Variants in TIMM23 observed in about 807,000 individuals in gnomAD.
TIMM23 encodes the protein translocase of inner mitochondrial membrane 23.
TIMM23 carries 19 observed loss-of-function variants against 30.7 expected under a neutral mutation model. The ratio of observed to expected loss-of-function variants is 0.62; its 90% confidence interval spans 0.43 to 0.91. The LOEUF is 0.91. TIMM23 is among the 40% of genes least tolerant of loss of function. The pLI is 0.00. For missense variants in TIMM23, 202 were observed against 269.2 expected (o/e 0.75, Z 1.75); for synonymous variants, 78 against 98.5 (o/e 0.79, Z 1.23).
chr10:45,974,937 G>C (rs1317965900), intron 1 of TIMM23, among the ~76,000 whole-genome samples: 5 of 151,532 alleles, frequency 3.3e-5, no homozygotes, highest in African/African-American at 9.7e-5. Flanking sequence ...ACATACCTGT[G>C]GTAATGACCC....
chr10:45,992,193 G>C (rs1159126887), intron 6 of TIMM23, among the ~76,000 whole-genome samples: 1 of 152,066 alleles, frequency 6.6e-6, no homozygotes, highest in African/African-American at 2.4e-5. Context: ...ACCCAGGCTG[G>C]CCTCAAGCAA....
Position 45,974,932 on chromosome 10 carries a change from C to T in TIMM23, c.107-522C>T, listed in dbSNP as rs587713247. Among the ~76,000 whole-genome samples the T allele has an allele frequency of 4.5e-3, 690 of 151,764 alleles. 3 individuals carry two copies. The highest frequency in any genetic ancestry group is 0.016 in the African/African-American group (666 of 41,298). On this transcript the variant is annotated intron_variant, in intron 1 of 6. Transcript: ENST00000580018. ...GTTTTCTTTTGCACAGACCCACATACCTGTGGTAATGACCCAAGGATTCTC... is the reference window on the plus strand; with the variant it reads ...GTTTTCTTTTGCACAGACCCACATATCTGTGGTAATGACCCAAGGATTCTC...
At chr10:45,983,197 C>G (rs1302056917) in intron 4 of TIMM23, among the ~76,000 whole-genome samples, 18 of 152,248 alleles carry the variant, frequency 1.2e-4, no homozygotes, top group Non-Finnish European at 2.2e-4. Context: ...CTGTTACATT[C>G]TCCAACCCTA....
intron 1 of TIMM23, among the ~76,000 whole-genome samples, chr10:45,974,729 C>A (rs1837613445): frequency 2.0e-5 from 3 of 152,146 alleles, no homozygotes; most frequent in Non-Finnish European, 4.4e-5. Context: ...AGATAAGTAA[C>A]ACAATTCAAA....
intron 6 of TIMM23, among the ~76,000 whole-genome samples, chr10:45,996,526 T>C (rs1314096380): frequency 2.6e-5 from 4 of 151,812 alleles, no homozygotes; most frequent in Admixed American, 2.0e-4. Flanking sequence ...CATTAAGTGC[T>C]TATTGCTGAA....
intron 6 of TIMM23, chr10:45,992,784 C>G (rs1256248577): frequency 2.9e-6 from 1 of 339,904 alleles, no homozygotes; most frequent in East Asian, 7.9e-5. Flanking sequence ...TCTCGATCCC[C>G]TGACCTCATG....
chr10:45,982,500 G>A, intron 2 of TIMM23, 23 bp from the exon 3 acceptor site: 2 of 1,612,224 alleles, frequency 1.2e-6, no homozygotes, highest in South Asian at 1.1e-5. Flanking sequence ...CACTCAGCTT[G>A]GTTTTCATTA....
rs1228545729 is a variant in TIMM23 at position 45,981,960 on chromosome 10, T to G, written c.166-563T>G. Among the ~76,000 whole-genome samples, 959 of 152,312 alleles carry G rather than the reference T, an allele frequency of 6.3e-3. 8 individuals carry two copies. The highest frequency in any genetic ancestry group is 9.5e-3 in the Non-Finnish European group (644 of 68,028). On this transcript the variant is annotated intron_variant, in intron 2 of 6. Coordinates refer to ENST00000580018, the MANE Select transcript of TIMM23 (RefSeq NM_006327.4). Reference sequence around the variant, plus strand: ...CCTTCCAGGGGTTCATGCCACATTTTGTGTATGCAATTACTAGAAATAGGG... The same window carrying G: ...CCTTCCAGGGGTTCATGCCACATTTGGTGTATGCAATTACTAGAAATAGGG...
At chr10:45,997,220 A>G (rs1233804106) in intron 6 of TIMM23, among the ~76,000 whole-genome samples, 1 of 152,082 alleles carries the variant, frequency 6.6e-6, no homozygotes, top group African/African-American at 2.4e-5. Context: ...TCCAAAAAAG[A>G]AAAATGTGGT....
In TIMM23 at chr10:46,003,188, GTC is replaced by G. The variant is rs755622444; in HGVS notation, c.515-11_515-10del. The G allele has an allele frequency of 6.9e-6, 11 of 1,599,566 alleles. 1 individual carries two copies. The highest frequency in any genetic ancestry group is 3.3e-5 in the South Asian group (3 of 90,762). On this transcript the variant is annotated splice_polypyrimidine_tract_variant and intron_variant, in intron 6 of 6. Transcript: ENST00000580018. Reference sequence around the variant, plus strand: ...TATACAGCTATTTCATTTTCCTTTTGTCTCTGTTTCCCAGGTGGTCTTCGAGG... The same window carrying G: ...TATACAGCTATTTCATTTTCCTTTTGTCTGTTTCCCAGGTGGTCTTCGAGG...
At position 45,997,397 on chromosome 10, in the gene TIMM23, C is replaced by T. The variant is rs587756965; in HGVS notation, c.515-5806C>T. On this transcript the variant is annotated intron_variant, in intron 6 of 6. Coordinates refer to ENST00000580018, the MANE Select transcript of TIMM23 (RefSeq NM_006327.4). The stretch of plus-strand genomic sequence containing the variant: ...AGAATAGTCAGATTCATGTGAGGTA[C>T]TTAGAATAGTCAGATTCATACAGAA... Among the ~76,000 whole-genome samples the T allele has an allele frequency of 6.8e-4, 103 of 152,124 alleles. 1 individual carries two copies. In the South Asian group the frequency reaches 0.02, roughly 30 times the overall value.
intron 6 of TIMM23, among the ~76,000 whole-genome samples, chr10:45,991,480 G>C (rs1235076138): frequency 6.6e-6 from 1 of 152,156 alleles, no homozygotes; most frequent in African/African-American, 2.4e-5. Context: ...AGCTGGGCAC[G>C]GTGGCTCATG....
chr10:45,972,719 C>G lies in TIMM23; in HGVS notation c.95C>G (p.Ala32Gly). Reference sequence around the variant, plus strand: ...GCAGGTTACTCGCACGCGGATTTGGCTGGCGTCCCGCGTAAGTATGGGGCC... The same window carrying G: ...GCAGGTTACTCGCACGCGGATTTGGGTGGCGTCCCGCGTAAGTATGGGGCC... Reference protein sequence around the residue: ...GGAGYSHADLAGVPLTGMNPL... With the variant: ...GGAGYSHADLGGVPLTGMNPL... The change falls in exon 1 of 7, where the codon GCT becomes GGT. Residue 32 changes from alanine (A) to glycine (G), a missense_variant. Transcript: ENST00000580018. 6.2e-7 allele frequency: 1 copy of G among 1,613,938 alleles called. No homozygotes were observed. Among genetic ancestry groups the G allele is most frequent in the Non-Finnish European group, 8.5e-7 (1 of 1,179,866 alleles).
chr10:45,987,574 C>T (rs1408972144), intron 5 of TIMM23, among the ~76,000 whole-genome samples: 5 of 150,310 alleles, frequency 3.3e-5, no homozygotes, highest in Admixed American at 2.6e-4. Context: ...TCACAGAACT[C>T]GAGGGAACAC....
chr10:45,993,748 GATGAA>G (rs1324301178), intron 6 of TIMM23, among the ~76,000 whole-genome samples: 3 of 152,032 alleles, frequency 2.0e-5, no homozygotes, highest in African/African-American at 4.8e-5. Context: ...GAAATGAAAT[GATGAA>G]ATGAATAATG....
At chr10:45,985,182 G>A (rs4356175) in intron 4 of TIMM23, among the ~76,000 whole-genome samples, 1 of 151,926 alleles carries the variant, frequency 6.6e-6, no homozygotes, top group East Asian at 1.9e-4. Flanking sequence ...TTTGCCTAAA[G>A]TTTTGAAAGT....
intron 6 of TIMM23, among the ~76,000 whole-genome samples, chr10:45,995,042 A>T (rs1360521440): frequency 1.3e-5 from 2 of 151,844 alleles, no homozygotes; most frequent in African/African-American, 4.9e-5. Context: ...AGGAAGTGTG[A>T]GTCCATGTTG....
chr10:45,972,974 T>C (rs587755821), intron 1 of TIMM23, among the ~76,000 whole-genome samples: 2 of 152,270 alleles, frequency 1.3e-5, no homozygotes, highest in African/African-American at 4.8e-5. Flanking sequence ...TGATGCATGT[T>C]TTCTTAGGTT....
chr10:45,975,862 C>T (rs1416098466), intron 2 of TIMM23, among the ~76,000 whole-genome samples: 2 of 152,082 alleles, frequency 1.3e-5, no homozygotes, highest in Non-Finnish European at 2.9e-5. Context: ...AGTGCAGTAG[C>T]GCGATCTCTG....
Sources: allele counts gnomAD v4.1 joint callset (sites outside exome capture counted in the v4.1 genomes callset), GRCh38; gene constraint gnomAD v4.1.1; transcripts MANE v1.5; gene names NCBI Gene and HGNC (gene_info 2026-07-23, HGNC 2026-07-21).